Variants in SKA2 observed in about 807,000 individuals in gnomAD.
SKA2 encodes the protein spindle and kinetochore-associated protein 2.
Under a neutral mutation model 16.9 loss-of-function variants are expected in SKA2, and 13 were observed. The observed-to-expected ratio is 0.77, with a 90% confidence interval of 0.50 to 1.22. The LOEUF is 1.22. Among genes scored for constraint, SKA2 ranks in the 50% most tolerant of loss-of-function variants. The pLI is 0.00. For missense variants in SKA2, 107 were observed against 139.7 expected (o/e 0.77, Z 1.18); for synonymous variants, 47 against 48.5 (o/e 0.97, Z 0.13).
chr17:59,114,552 ATCT>A (rs1300680909), intron 3 of SKA2, among the ~76,000 whole-genome samples: 8 of 152,142 alleles, frequency 5.3e-5, no homozygotes, highest in Non-Finnish European at 1.0e-4. Flanking sequence ...CGCTATTATA[ATCT>A]TCTGGGACCA....
chr17:59,142,664 T>C (rs1371618534), intron 1 of SKA2, among the ~76,000 whole-genome samples: 1 of 151,178 alleles, frequency 6.6e-6, no homozygotes, highest in East Asian at 2.0e-4. Flanking sequence ...CAGTGGCTCA[T>C]GCCAGTAATC....
At chr17:59,114,843 T>C (rs563019069) in intron 3 of SKA2, among the ~76,000 whole-genome samples, 2 of 152,258 alleles carry the variant, frequency 1.3e-5, no homozygotes, top group East Asian at 3.9e-4. Flanking sequence ...GCCAACTATA[T>C]AGGTCATCTC....
chr17:59,132,182 C>T (rs147134623), intron 1 of SKA2, among the ~76,000 whole-genome samples: 51 of 152,004 alleles, frequency 3.4e-4, no homozygotes, highest in Admixed American at 3.3e-3. Context: ...ATGGTGAAAC[C>T]TCATCTCTAC....
chr17:59,117,549 C>T (rs1253731320), intron 3 of SKA2, among the ~76,000 whole-genome samples: 2 of 151,868 alleles, frequency 1.3e-5, no homozygotes, highest in African/African-American at 4.8e-5. Context: ...CTCCCATGCC[C>T]AGTAAATTTA....
chr17:59,149,073 T>G (rs1327225677), intron 1 of SKA2, among the ~76,000 whole-genome samples: 1 of 152,162 alleles, frequency 6.6e-6, no homozygotes, highest in African/African-American at 2.4e-5. Flanking sequence ...GCTTTGGGAA[T>G]GCAAAATAGT....
intron 3 of SKA2, among the ~76,000 whole-genome samples, chr17:59,113,978 T>C (rs2046280560): frequency 6.6e-6 from 1 of 152,188 alleles, no homozygotes; most frequent in Non-Finnish European, 1.5e-5. Context: ...ATAGTGCCTT[T>C]ACCCTCAAGC....
At chr17:59,146,328 G>A (rs1217542457) in intron 1 of SKA2, among the ~76,000 whole-genome samples, 2 of 151,946 alleles carry the variant, frequency 1.3e-5, no homozygotes, top group East Asian at 1.9e-4. Flanking sequence ...GTGAAACCCC[G>A]TCACTACTAA....
chr17:59,116,686 G>A (rs999392562), intron 3 of SKA2, among the ~76,000 whole-genome samples: 2 of 151,556 alleles, frequency 1.3e-5, no homozygotes, highest in East Asian at 3.9e-4. Context: ...TAGCACTATT[G>A]GTTCCAATGA....
chr17:59,138,496 A>G (rs551789860), intron 1 of SKA2, among the ~76,000 whole-genome samples: 1 of 152,056 alleles, frequency 6.6e-6, no homozygotes, highest in African/African-American at 2.4e-5. Flanking sequence ...CAGTGGCGCA[A>G]TCTCAGCTCA....
chr17:59,151,281 A>T (rs1324382210), intron 1 of SKA2: 2 of 453,806 alleles, frequency 4.4e-6, no homozygotes, highest in Non-Finnish European at 8.9e-6. Context: ...GTGAGAAACG[A>T]ATTTAAAGTA....
At chr17:59,137,613 A>G (rs2046455354) in intron 1 of SKA2, 1 of 370,138 alleles carries the variant, frequency 2.7e-6, no homozygotes, top group Non-Finnish European at 5.1e-6. Flanking sequence ...AAATAAACCC[A>G]TTTGTCAAAA....
At chr17:59,147,012 GA>G (rs1313697841) in intron 1 of SKA2, among the ~76,000 whole-genome samples, 1 of 151,602 alleles carries the variant, frequency 6.6e-6, no homozygotes, top group Non-Finnish European at 1.5e-5. Flanking sequence ...TTTTGGGGGG[GA>G]CGGGCGTGGT....
At chr17:59,149,239 G>A (rs540105713) in intron 1 of SKA2, among the ~76,000 whole-genome samples, 36 of 152,204 alleles carry the variant, frequency 2.4e-4, no homozygotes, top group African/African-American at 7.9e-4. Context: ...TACTCATGGC[G>A]ACTCACTCCC....
chr17:59,124,267 T>TA (rs2076447495), intron 2 of SKA2: 1 of 151,900 alleles, frequency 6.6e-6, no homozygotes, highest in South Asian at 2.1e-4. Flanking sequence ...CCATCCTTAC[T>TA]AAAATACAAA....
At chr17:59,127,134 A>T (rs2046377401) in intron 2 of SKA2, among the ~76,000 whole-genome samples, 1 of 151,910 alleles carries the variant, frequency 6.6e-6, no homozygotes, top group Non-Finnish European at 1.5e-5. Flanking sequence ...TGTTTAATGG[A>T]TATACAGTTA....
At chr17:59,116,478 T>G (rs948234319) in intron 3 of SKA2, among the ~76,000 whole-genome samples, 1 of 152,212 alleles carries the variant, frequency 6.6e-6, no homozygotes. Context: ...AGAAAGATTA[T>G]GAAATTAGTA....
intron 2 of SKA2, among the ~76,000 whole-genome samples, chr17:59,128,625 CAAAAA>C (rs761411258): frequency 1.8e-5 from 1 of 56,258 alleles, no homozygotes; most frequent in Non-Finnish European, 3.7e-5. Context: ...GACTCGGTCT[CAAAAA>C]AAAAAAAAAA....
rs563786914 is a variant in SKA2, at chr17:59,123,658, C to G, written c.121-4163G>C. Reference sequence around the variant, plus strand: ...TGAACTACTGGGCTCAAGTGATCCTCCCACCTCAGCATCCCAAGTAGCTGG... The same window carrying G: ...TGAACTACTGGGCTCAAGTGATCCTGCCACCTCAGCATCCCAAGTAGCTGG... On this transcript the variant is annotated intron_variant, in intron 2 of 3. Transcript: ENST00000330137. 2.0e-5 allele frequency among the ~76,000 whole-genome samples: 3 copies of G among 152,186 alleles called. No individual in the cohort carries two copies. The East Asian group carries it at 5.8e-4, about 29-fold the overall frequency.
At chr17:59,154,836 C>G in intron 1 of SKA2, 1 of 1,085,360 alleles carries the variant, frequency 9.2e-7, no homozygotes, top group Non-Finnish European at 1.4e-6. Flanking sequence ...GCGGTCTGCA[C>G]CCGGCGCAGT....
Sources: allele counts gnomAD v4.1 joint callset (sites outside exome capture counted in the v4.1 genomes callset), GRCh38; gene constraint gnomAD v4.1.1; transcripts MANE v1.5; gene names NCBI Gene and HGNC (gene_info 2026-07-23, HGNC 2026-07-21).